The following MTPN variants were observed in gnomAD, a reference collection of about 807,000 sequenced individuals.
The protein encoded by MTPN is granule cell differentiation protein.
In MTPN, 2 loss-of-function variants were observed where a neutral mutation model predicts 13.5. The ratio of observed to expected loss-of-function variants is 0.15; its 90% CI spans 0.06 to 0.47. The LOEUF (loss-of-function observed/expected upper bound fraction) is 0.47. Among genes scored for constraint, MTPN ranks in the 20% least tolerant of loss-of-function variants. The pLI, the probability that MTPN is intolerant of heterozygous loss-of-function variation, is 0.97. For missense variants in MTPN, 79 were observed against 137.9 expected (o/e 0.57, Z 2.14); for synonymous variants, 46 against 51.7 (o/e 0.89, Z 0.48).
At position 135,928,831 on chromosome 7, in the gene MTPN, C is replaced by T. The variant is rs1290934885; in HGVS notation, c.*1095G>A. 1 of 166,986 alleles carries T rather than the reference C, an allele frequency of 6.0e-6. No individual in the cohort carries two copies. Among genetic ancestry groups the T allele is most frequent in the Non-Finnish European group, 1.5e-5 (1 of 68,106 alleles). 10.3% of individuals were successfully genotyped at this position (166,986 alleles called of 1,614,324 possible). A position where few individuals can be genotyped will look rare whatever the true frequency, so the allele number is the denominator to read the frequency against. ...TGGGTTGGCATATGTTCAGCAGAAG[C>T]CTATCAACAACTCTGGGAAACCTGG... On this transcript the variant is annotated 3_prime_UTR_variant, in exon 4 of 4. Transcript: ENST00000393085.
At chr7:135,963,987 A>T (rs1345241623) in intron 1 of MTPN, among the ~76,000 whole-genome samples, 1 of 152,056 alleles carries the variant, frequency 6.6e-6, no homozygotes, top group African/African-American at 2.4e-5. Context: ...AATTTTAATA[A>T]CAAAACACGT....
At chr7:135,964,971 G>A (rs1050631851) in intron 1 of MTPN, among the ~76,000 whole-genome samples, 6 of 151,976 alleles carry the variant, frequency 3.9e-5, no homozygotes, top group African/African-American at 1.4e-4. Context: ...AAGTTTTATT[G>A]GAACTCAGAC....
At chr7:135,941,881 CTTTTTTT>C (rs564045963) in intron 3 of MTPN, among the ~76,000 whole-genome samples, 1 of 136,198 alleles carries the variant, frequency 7.3e-6, no homozygotes, top group South Asian at 2.4e-4. Context: ...TGTTATATTA[CTTTTTTT>C]TTTTTTTTTT....
chr7:135,927,502 A>G lies in MTPN; in HGVS notation c.*2424T>C. The G allele has an allele frequency of 6.4e-6, 8 of 1,251,242 alleles. No individual in the cohort carries two copies. In the South Asian group the frequency reaches 8.6e-5, roughly 13 times the overall value. The allele number at this position is 1,251,242 out of a possible 1,614,324, so 77.5% of individuals were successfully genotyped here. A position where few individuals can be genotyped will look rare whatever the true frequency, so the allele number is the denominator to read the frequency against. ...TTTCTGAGATGTTAAGTATTACTTC[A>G]GTGGAGAACAAAACTTACTTAACCT... is the stretch of plus-strand genomic sequence containing the variant. On this transcript the variant is annotated 3_prime_UTR_variant, in exon 4 of 4. Coordinates refer to ENST00000393085, the MANE Select transcript of MTPN (RefSeq NM_145808.4).
At chr7:135,955,060 T>C (rs1424982652) in intron 1 of MTPN, among the ~76,000 whole-genome samples, 1 of 152,198 alleles carries the variant, frequency 6.6e-6, no homozygotes, top group African/African-American at 2.4e-5. Flanking sequence ...TACATTACAA[T>C]TCTTATTTTA....
At chr7:135,932,280 G>C (rs560806523) in intron 3 of MTPN, 1 of 152,138 alleles carries the variant, frequency 6.6e-6, no homozygotes, top group African/African-American at 2.4e-5. Context: ...GCACCACCTC[G>C]ATGAAAAAGC....
intron 1 of MTPN, among the ~76,000 whole-genome samples, chr7:135,962,067 T>C (rs1383185139): frequency 6.6e-6 from 1 of 152,054 alleles, no homozygotes; most frequent in African/African-American, 2.4e-5. Flanking sequence ...TGTTAATGTA[T>C]ATCAAACTTT....
At chr7:135,938,920 A>G (rs536616588) in intron 3 of MTPN, among the ~76,000 whole-genome samples, 6 of 152,320 alleles carry the variant, frequency 3.9e-5, no homozygotes, top group African/African-American at 1.4e-4. Context: ...AGAAAAGTAT[A>G]TAATACCCTT....
At chr7:135,964,661 T>C (rs1322277029) in intron 1 of MTPN, among the ~76,000 whole-genome samples, 5 of 152,100 alleles carry the variant, frequency 3.3e-5, no homozygotes, top group Non-Finnish European at 5.9e-5. Context: ...AGAAATTCTA[T>C]GTTTTTTCTT....
At chr7:135,933,221 G>C in intron 3 of MTPN, among the ~76,000 whole-genome samples, 1 of 151,398 alleles carries the variant, frequency 6.6e-6, no homozygotes, top group South Asian at 2.1e-4. Flanking sequence ...TATTTGCATA[G>C]CTTTAAATAA....
At chr7:135,966,856 T>C (rs73164923) in intron 1 of MTPN, among the ~76,000 whole-genome samples, 7,186 of 152,192 alleles carry the variant, frequency 0.047, 231 homozygotes, top group Non-Finnish European at 0.062. Flanking sequence ...ATTCATACTA[T>C]ATAAGTAGGG....
intron 2 of MTPN, 70 bp from the exon 3 acceptor site, chr7:135,950,752 A>G: frequency 1.6e-6 from 2 of 1,228,462 alleles, no homozygotes; most frequent in Non-Finnish European, 2.3e-6. Flanking sequence ...TTTAACTAGA[A>G]AACTCTTTCT....
At chr7:135,965,184 C>T (rs1398189826) in intron 1 of MTPN, among the ~76,000 whole-genome samples, 1 of 152,110 alleles carries the variant, frequency 6.6e-6, no homozygotes, top group Non-Finnish European at 1.5e-5. Flanking sequence ...ACAGCAAATA[C>T]TTACTACAGA....
At chr7:135,940,653 C>T (rs1799194681) in intron 3 of MTPN, among the ~76,000 whole-genome samples, 1 of 152,214 alleles carries the variant, frequency 6.6e-6, no homozygotes, top group African/African-American at 2.4e-5. Flanking sequence ...AACCATCTGA[C>T]TCCAAATTTT....
At chr7:135,960,796 C>G (rs1218082451) in intron 1 of MTPN, 2 of 151,220 alleles carry the variant, frequency 1.3e-5, no homozygotes, top group South Asian at 4.2e-4. Flanking sequence ...ATTCATGAAA[C>G]AGTCCATATT....
intron 1 of MTPN, among the ~76,000 whole-genome samples, chr7:135,954,991 A>C (rs1799421426): frequency 1.3e-5 from 2 of 152,358 alleles, no homozygotes; most frequent in East Asian, 3.9e-4. Flanking sequence ...ATACCAGTGC[A>C]AAATGCCTAT....
At chr7:135,934,687 A>T (rs1226038382) in intron 3 of MTPN, among the ~76,000 whole-genome samples, 1 of 152,196 alleles carries the variant, frequency 6.6e-6, no homozygotes, top group African/African-American at 2.4e-5. Flanking sequence ...CGTCCTGTAA[A>T]TGCCAAGTCT....
At chr7:135,966,242 T>G (rs1249366996) in intron 1 of MTPN, among the ~76,000 whole-genome samples, 1 of 152,116 alleles carries the variant, frequency 6.6e-6, no homozygotes, top group Non-Finnish European at 1.5e-5. Flanking sequence ...ATGCATTTAA[T>G]AAACCTAACC....
At chr7:135,930,590 C>G (rs1799004980) in intron 3 of MTPN, among the ~76,000 whole-genome samples, 1 of 152,152 alleles carries the variant, frequency 6.6e-6, no homozygotes, top group South Asian at 2.1e-4. Flanking sequence ...GAACGCTTAA[C>G]TTGGAGAGTG....
Sources: allele counts gnomAD v4.1 joint callset (sites outside exome capture counted in the v4.1 genomes callset), GRCh38; gene constraint gnomAD v4.1.1; transcripts MANE v1.5; gene names NCBI Gene and HGNC (gene_info 2026-07-23, HGNC 2026-07-21).